ROS1: variants seen among roughly 807,000 people sequenced by gnomAD.
The protein encoded by ROS1 is ROS proto-oncogene 1, receptor tyrosine kinase.
Under a neutral mutation model 273.5 loss-of-function variants are expected in ROS1, and 263 were observed. The observed-to-expected ratio is 0.96, with a 90% CI of 0.87 to 1.06. ROS1 has a LOEUF of 1.06. ROS1 is among the 50% of genes least tolerant of loss of function. ROS1 has a pLI of 0.00. For missense variants in ROS1, 2,833 were observed against 2,751.1 expected (o/e 1.03, Z -0.67); for synonymous variants, 1,008 against 954.1 (o/e 1.06, Z -1.04).
At chr6:117,304,940 G>A (rs1020263756) in intron 42 of ROS1, among the ~76,000 whole-genome samples, 6 of 152,018 alleles carry the variant, frequency 3.9e-5, no homozygotes, top group African/African-American at 1.2e-4. Flanking sequence ...TCCTGTTCTG[G>A]CCATGGGAAA....
intron 42 of ROS1, among the ~76,000 whole-genome samples, chr6:117,303,346 A>C (rs1373678834): frequency 6.6e-6 from 1 of 152,238 alleles, no homozygotes; most frequent in East Asian, 1.9e-4. Context: ...TCTAATAGAC[A>C]TGAAACAGTT....
chr6:117,355,293 C>G (rs896943409), intron 26 of ROS1, among the ~76,000 whole-genome samples: 1 of 152,178 alleles, frequency 6.6e-6, no homozygotes, highest in African/African-American at 2.4e-5. Flanking sequence ...AACATTACCT[C>G]TATCATTAAA....
chr6:117,414,812 T>C (rs1775213447), intron 3 of ROS1, among the ~76,000 whole-genome samples: 1 of 152,198 alleles, frequency 6.6e-6, no homozygotes. Flanking sequence ...GCTGAGGTAA[T>C]CTGTGGTGGA....
chr6:117,384,455 G>A (rs920093744), intron 16 of ROS1, among the ~76,000 whole-genome samples: 1 of 152,000 alleles, frequency 6.6e-6, no homozygotes, highest in African/African-American at 2.4e-5. Flanking sequence ...GGGACATGTC[G>A]GCTATTTGTT....
chr6:117,302,025 G>A (rs1271184801), intron 42 of ROS1, among the ~76,000 whole-genome samples: 16 of 152,192 alleles, frequency 1.1e-4, no homozygotes. Flanking sequence ...ACATGGCCAT[G>A]TGACTCTTGT....
chr6:117,331,793 AG>A (rs1484959092), intron 32 of ROS1, among the ~76,000 whole-genome samples: 9 of 152,244 alleles, frequency 5.9e-5, no homozygotes, highest in Non-Finnish European at 4.4e-5. Flanking sequence ...GCAAATGCTG[AG>A]GGATTTTGTT....
intron 27 of ROS1, among the ~76,000 whole-genome samples, chr6:117,348,123 C>T (rs1280990904): frequency 1.3e-5 from 2 of 151,924 alleles, no homozygotes; most frequent in Admixed American, 1.3e-4. Flanking sequence ...GAAGTAGGCC[C>T]TCTGGTTCAA....
Position 117,353,031 on chromosome 6 carries a change from C to A in ROS1, c.4262G>T (p.Arg1421Met). The change falls in exon 27 of 44, where the codon AGG becomes ATG. Residue 1421 changes from arginine to methionine, a missense_variant. By Grantham distance (91) the Arg-to-Met change is moderately conservative. Coordinates refer to ENST00000368507, the MANE Select transcript of ROS1 (RefSeq NM_001378902.1). Reference protein sequence around the residue: ...IVSQVKALRSRHILAYSSVMQ... With the variant: ...IVSQVKALRSMHILAYSSVMQ... ...AACTGAACTGTAAGCCAAGATATGC[C>A]TACTCCTTAGGGCCTTCACCTGGGA... 2 of 1,614,082 alleles carry A rather than the reference C, an allele frequency of 1.2e-6. No homozygotes were observed. Among genetic ancestry groups the A allele is most frequent in the Non-Finnish European group, 1.7e-6 (2 of 1,179,988 alleles).
intron 42 of ROS1, chr6:117,301,466 C>T (rs1224974394): frequency 5.2e-6 from 1 of 190,632 alleles, no homozygotes; most frequent in Admixed American, 6.3e-5. Context: ...GGTGATCTGG[C>T]TTCAACATCT....
In ROS1 at chr6:117,356,657, C is replaced by G; in HGVS notation, c.4098G>C (p.Trp1366Cys). 6.2e-7 allele frequency: 1 copy of G among 1,613,898 alleles called. No individual in the cohort carries two copies. Among genetic ancestry groups the G allele is most frequent in the Non-Finnish European group, 8.5e-7 (1 of 1,179,880 alleles). The stretch of plus-strand genomic sequence containing the variant: ...GCATAGCAGGTACTGTGATAACTCT[C>G]CAACACTGACAGCCTTCCAGATCCA... ...WAMDLEGCQCWRVITVPAMLG... is the reference protein window; with the variant it reads ...WAMDLEGCQCCRVITVPAMLG... The change falls in exon 26 of 44, where the codon TGG (tryptophan) becomes TGC (cysteine). Residue 1366 changes from tryptophan (W) to cysteine (C), a missense_variant. By Grantham distance (215) the Trp-to-Cys change is radical. Transcript: ENST00000368507.
intron 12 of ROS1, among the ~76,000 whole-genome samples, chr6:117,391,474 G>T (rs1773063025): frequency 6.6e-6 from 1 of 152,148 alleles, no homozygotes; most frequent in Non-Finnish European, 1.5e-5. Context: ...ATGGGGAAGT[G>T]GTGGTAGGAA....
At chr6:117,324,519 G>A (rs2128575612) in intron 34 of ROS1, 104 bp from the exon 35 acceptor site, 1 of 587,928 alleles carries the variant, frequency 1.7e-6, no homozygotes, top group East Asian at 3.0e-5. Flanking sequence ...AGCTACTACT[G>A]GATTTTTGCA....
intron 18 of ROS1, among the ~76,000 whole-genome samples, chr6:117,369,754 A>G (rs992691348): frequency 6.6e-6 from 1 of 152,172 alleles, no homozygotes; most frequent in Admixed American, 6.5e-5. Context: ...GTTTTCTCTG[A>G]TTCACAGGTA....
At chr6:117,310,883 T>C in intron 40 of ROS1, 137 bp downstream of exon 40, 1 of 578,482 alleles carries the variant, frequency 1.7e-6, no homozygotes, top group Admixed American at 3.5e-5. Flanking sequence ...GAATGATTTA[T>C]AAGAGAGACT....
At chr6:117,385,616 G>T (rs2128696197) in intron 16 of ROS1, 67 bp downstream of exon 16, 4 of 1,334,438 alleles carry the variant, frequency 3.0e-6, no homozygotes, top group Non-Finnish European at 3.1e-6. Context: ...AAAAGAAATT[G>T]GTGTGCAAGT....
Position 117,401,693 on chromosome 6 carries a change from A to G in ROS1, c.604+1446T>C, listed in dbSNP as rs78719096. On this transcript the variant is annotated intron_variant, in intron 7 of 43. Transcript: ENST00000368507. ...TTTATCATCTTTAGTTCCTAGAACAATGTCTGGTATATAATAGTCCTTGAT... is the reference window on the plus strand; with the variant it reads ...TTTATCATCTTTAGTTCCTAGAACAGTGTCTGGTATATAATAGTCCTTGAT... Among the ~76,000 whole-genome samples, 40 of 152,136 alleles carry G rather than the reference A, an allele frequency of 2.6e-4. No homozygotes were observed. The East Asian group carries it at 7.7e-3, about 29-fold the overall frequency.
At chr6:117,318,343 A>G in intron 37 of ROS1, 91 bp from the exon 38 acceptor site, 1 of 915,348 alleles carries the variant, frequency 1.1e-6, no homozygotes, top group South Asian at 1.4e-5. Context: ...TTGTTCTGTA[A>G]TATCTACCCT....
chr6:117,421,452 T>C (rs1266201584), intron 1 of ROS1, among the ~76,000 whole-genome samples: 1 of 151,974 alleles, frequency 6.6e-6, no homozygotes, highest in Non-Finnish European at 1.5e-5. Context: ...ATTATACCAC[T>C]CTGCATGCTT....
Position 117,389,417 on chromosome 6 carries a change from A to C in ROS1, c.1719T>G (p.Leu573=). ...CCTGGTGAGAGCCAAACAGCACCGAAAGCTCCTGCGGGCGGCCTGGCAGAG... is the reference window on the plus strand; with the variant it reads ...CCTGGTGAGAGCCAAACAGCACCGACAGCTCCTGCGGGCGGCCTGGCAGAG... ...LHPLPGRPQE[L]SVLFGSHQAL... The change falls in exon 13 of 44, where the codon CTT becomes CTG. Residue 573 remains leucine (L), a synonymous_variant. Coordinates refer to ENST00000368507, the MANE Select transcript of ROS1 (RefSeq NM_001378902.1). The C allele has an allele frequency of 6.2e-7, 1 of 1,614,168 alleles. No homozygotes were observed. Among genetic ancestry groups the C allele is most frequent in the Non-Finnish European group, 8.5e-7 (1 of 1,180,034 alleles).
Sources: gnomAD v4.1 joint callset for allele counts (sites outside exome capture counted in the v4.1 genomes callset) on GRCh38, gnomAD v4.1.1 for gene constraint, MANE v1.5 for transcripts, NCBI Gene and HGNC (gene_info 2026-07-23, HGNC 2026-07-21) for gene names.